The following MTCL1 variants were observed in gnomAD, a reference collection of about 807,000 sequenced individuals.
MTCL1 encodes the protein microtubule cross-linking factor 1.
Under a neutral mutation model 141.4 loss-of-function variants are expected in MTCL1, and 79 were observed. The observed-to-expected ratio is 0.56, with a 90% CI of 0.47 to 0.67. MTCL1 has a LOEUF of 0.67. MTCL1 is among the 30% of genes least tolerant of loss of function. The pLI is 0.00. For missense variants in MTCL1, 2,177 were observed against 2,113.9 expected (o/e 1.03, Z -0.59); for synonymous variants, 914 against 875.8 (o/e 1.04, Z -0.77).
At chr18:8,760,203 T>A (rs987727575) in intron 4 of MTCL1, among the ~76,000 whole-genome samples, 2 of 152,026 alleles carry the variant, frequency 1.3e-5, no homozygotes, top group African/African-American at 4.8e-5. Context: ...GTAAGTCCCT[T>A]CTCCGAGATG....
At chr18:8,720,873 G>T (rs1301636026) in intron 4 of MTCL1, among the ~76,000 whole-genome samples, 3 of 152,038 alleles carry the variant, frequency 2.0e-5, no homozygotes, top group African/African-American at 7.2e-5. Context: ...GTGTCCAAGT[G>T]GAGCCTATTA....
chr18:8,777,645 A>G (rs1361455129), intron 4 of MTCL1, among the ~76,000 whole-genome samples, 188 bp from the exon 4 acceptor site: 1 of 152,184 alleles, frequency 6.6e-6, no homozygotes, highest in East Asian at 1.9e-4. Flanking sequence ...AACTTCTCCA[A>G]CTGCATTTAC....
intron 5 of MTCL1, among the ~76,000 whole-genome samples, chr18:8,780,392 G>A (rs1189166759): frequency 6.6e-6 from 1 of 152,264 alleles, no homozygotes; most frequent in Non-Finnish European, 1.5e-5. Flanking sequence ...GCTGGTCACA[G>A]CAGGCGGCCC....
rs2076721007 is a variant in MTCL1 at position 8,818,140 on chromosome 18, G to A, written c.2860-823G>A. Among the ~76,000 whole-genome samples, 12 of 152,336 alleles carry A rather than the reference G, an allele frequency of 7.9e-5. No homozygotes were observed. In the South Asian group the frequency reaches 2.5e-3, roughly 32 times the overall value. ...GCTCCCACTAGACGGCATGACTCCG[G>A]TGAGCCCACGTGCACAACCCATCTT... On this transcript the variant is annotated intron_variant, in intron 12 of 16. Transcript: ENST00000359865.
At chr18:8,715,499 C>A (rs981266589), upstream of MTCL1, among the ~76,000 whole-genome samples, 1 of 152,172 alleles carries the variant, frequency 6.6e-6, no homozygotes, top group Non-Finnish European at 1.5e-5. Context: ...TATACATGTA[C>A]ATATACATAT....
chr18:8,800,634 G>A lies in MTCL1; in HGVS notation c.2436+2343G>A, dbSNP rs561200298. ...AGCCATCCTGAAGAGCAGAGGCTGC[G>A]CACACGCAAGAGGGAATCTTACAGT... On this transcript the variant is annotated intron_variant, in intron 10 of 16. Transcript: ENST00000359865. 2.0e-5 allele frequency: 3 copies of A among 152,350 alleles called. No homozygotes were observed. The South Asian group carries it at 6.2e-4, about 32-fold the overall frequency. 9.4% of individuals were successfully genotyped at this position (152,350 alleles called of 1,614,324 possible).
intron 4 of MTCL1, among the ~76,000 whole-genome samples, chr18:8,731,562 G>A (rs2096250888): frequency 2.0e-5 from 3 of 152,244 alleles, no homozygotes; most frequent in South Asian, 2.1e-4. Context: ...GGGCAAGAGC[G>A]AGACTTCGTC....
chr18:8,801,968 G>A (rs965475484), intron 10 of MTCL1: 2 of 152,158 alleles, frequency 1.3e-5, no homozygotes, highest in Admixed American at 1.3e-4. Context: ...TATATTTTCA[G>A]GGTCTGTCTT....
chr18:8,724,912 G>C (rs538742020), intron 4 of MTCL1, among the ~76,000 whole-genome samples: 5 of 151,430 alleles, frequency 3.3e-5, no homozygotes, highest in Non-Finnish European at 7.4e-5. Flanking sequence ...CTTGGAGTCT[G>C]TGACCCTAGG....
chr18:8,730,645 T>C (rs947042120), intron 4 of MTCL1, among the ~76,000 whole-genome samples: 7 of 152,232 alleles, frequency 4.6e-5, no homozygotes, highest in African/African-American at 1.7e-4. Context: ...CCCTGTGCGC[T>C]GTACAGCTGC....
chr18:8,740,014 A>G (rs1269694059), intron 4 of MTCL1, among the ~76,000 whole-genome samples: 1 of 152,220 alleles, frequency 6.6e-6, no homozygotes, highest in Non-Finnish European at 1.5e-5. Flanking sequence ...TACAGGCGTG[A>G]GCCACCGCGC....
intron 16 of MTCL1, chr18:8,829,076 T>G: frequency 6.3e-7 from 1 of 1,578,514 alleles, no homozygotes; most frequent in Non-Finnish European, 8.6e-7. Flanking sequence ...GGCGGTACCC[T>G]CGCTCACCCC....
At chr18:8,708,088 G>T (rs1007311208) in intron 1 of MTCL1, among the ~76,000 whole-genome samples, 3 of 152,212 alleles carry the variant, frequency 2.0e-5, no homozygotes, top group African/African-American at 4.8e-5. Flanking sequence ...CAACTATGTT[G>T]TGGGTGACTC....
At chr18:8,785,698 A>G (rs1487535977) in intron 6 of MTCL1, 1 of 546,136 alleles carries the variant, frequency 1.8e-6, no homozygotes, top group Non-Finnish European at 3.3e-6. Flanking sequence ...AGATGTGTCC[A>G]CCCGCCCCTT....
exon 10 of MTCL1, chr18:8,798,267 G>A (rs751585057): frequency 8.9e-6 from 14 of 1,564,376 alleles, no homozygotes; most frequent in Middle Eastern, 1.7e-4. Flanking sequence ...TGCAGACCGC[G>A]GACAGGGGAC....
chr18:8,748,952 G>C (rs1194951505), intron 4 of MTCL1, among the ~76,000 whole-genome samples: 1 of 152,156 alleles, frequency 6.6e-6, no homozygotes, highest in Non-Finnish European at 1.5e-5. Flanking sequence ...TTGTGCACAA[G>C]GACAGATGGG....
intron 4 of MTCL1, among the ~76,000 whole-genome samples, chr18:8,735,466 C>T (rs764005280): frequency 2.0e-5 from 3 of 152,154 alleles, no homozygotes; most frequent in Non-Finnish European, 4.4e-5. Flanking sequence ...TGGTCTCTGA[C>T]CTGTCCTTCC....
At chr18:8,819,362 A>G (rs751931866) in intron 13 of MTCL1, 103 bp downstream of exon 12, 22 of 1,195,794 alleles carry the variant, frequency 1.8e-5, no homozygotes, top group Non-Finnish European at 2.5e-5. Flanking sequence ...AGGCTCTAGC[A>G]CTTTTGCATA....
At chr18:8,768,640 T>C (rs1268839693) in intron 4 of MTCL1, among the ~76,000 whole-genome samples, 2 of 152,236 alleles carry the variant, frequency 1.3e-5, no homozygotes, top group Admixed American at 1.3e-4. Context: ...TTTATTTGTA[T>C]GATTTTTCAG....
Sources: gnomAD v4.1 joint callset for allele counts (sites outside exome capture counted in the v4.1 genomes callset) on GRCh38, gnomAD v4.1.1 for gene constraint, MANE v1.5 for transcripts, NCBI Gene and HGNC (gene_info 2026-07-23, HGNC 2026-07-21) for gene names.